Variants in ALK observed in about 807,000 individuals in gnomAD.
ALK encodes ALK receptor tyrosine kinase.
Under a neutral mutation model 163.1 loss-of-function variants are expected in ALK, and 74 were observed. The ratio of observed to expected loss-of-function variants is 0.45; its 90% CI spans 0.38 to 0.55. ALK has a LOEUF of 0.55. Among genes scored for constraint, ALK ranks in the 20% least tolerant of loss-of-function variants. ALK has a pLI of 0.00. For synonymous variants in ALK, 960 were observed against 843.2 expected (o/e 1.14, Z -2.40); for missense variants, 2,063 against 2,105.3 (o/e 0.98, Z 0.39).
At chr2:29,741,373 C>T (rs1680053461) in intron 1 of ALK, among the ~76,000 whole-genome samples, 1 of 152,152 alleles carries the variant, frequency 6.6e-6, no homozygotes, top group Non-Finnish European at 1.5e-5. Context: ...TTATACCAAA[C>T]CGGTGTGAAT....
intron 1 of ALK, among the ~76,000 whole-genome samples, chr2:29,860,226 T>A (rs1333511655): frequency 2.0e-5 from 3 of 152,096 alleles, no homozygotes; most frequent in South Asian, 4.1e-4. Flanking sequence ...GGTATGGGAT[T>A]ATTGGTTTGT....
chr2:29,389,057 T>C (rs1669098586), intron 4 of ALK, among the ~76,000 whole-genome samples: 1 of 152,222 alleles, frequency 6.6e-6, no homozygotes, highest in African/African-American at 2.4e-5. Flanking sequence ...GTCTAGTTCT[T>C]GGTTAGCATT....
At chr2:29,608,498 G>T (rs939037521) in intron 3 of ALK, among the ~76,000 whole-genome samples, 1 of 152,192 alleles carries the variant, frequency 6.6e-6, no homozygotes. Context: ...CACATGGCTT[G>T]TTAGTGGCAG....
intron 1 of ALK, among the ~76,000 whole-genome samples, chr2:29,756,205 A>T (rs943951171): frequency 2.6e-5 from 4 of 152,184 alleles, no homozygotes; most frequent in Non-Finnish European, 5.9e-5. Flanking sequence ...TCACTTGGCT[A>T]AATTGGTCTT....
At chr2:29,478,898 A>C (rs1671592281) in intron 4 of ALK, among the ~76,000 whole-genome samples, 1 of 152,188 alleles carries the variant, frequency 6.6e-6, no homozygotes. Context: ...TACTGTTAAG[A>C]CATGTCCCCA....
chr2:29,526,264 T>C (rs1397623608), intron 4 of ALK, among the ~76,000 whole-genome samples: 4 of 152,126 alleles, frequency 2.6e-5, no homozygotes, highest in African/African-American at 4.8e-5. Flanking sequence ...AGATGAGGCT[T>C]GTAGAGATTC....
chr2:29,846,446 G>A (rs1665845704), intron 1 of ALK, among the ~76,000 whole-genome samples: 1 of 152,170 alleles, frequency 6.6e-6, no homozygotes, highest in Non-Finnish European at 1.5e-5. Context: ...AAGAATATTA[G>A]CTCCATGAGA....
intron 4 of ALK, among the ~76,000 whole-genome samples, chr2:29,489,682 C>T (rs779427594): frequency 7.9e-5 from 12 of 152,180 alleles, no homozygotes; most frequent in Admixed American, 2.0e-4. Flanking sequence ...AGGCATGAAG[C>T]AGTGTTTTAC....
At chr2:29,216,974 GGTGT>G (rs796513525) in intron 23 of ALK, among the ~76,000 whole-genome samples, 4 of 144,940 alleles carry the variant, frequency 2.8e-5, no homozygotes, top group African/African-American at 5.1e-5. Context: ...GTGTGTGCGT[GGTGT>G]GTGTGTGGCA....
intron 4 of ALK, among the ~76,000 whole-genome samples, chr2:29,425,448 C>A (rs988369305): frequency 3.3e-5 from 5 of 152,180 alleles, no homozygotes; most frequent in African/African-American, 7.2e-5. Flanking sequence ...AGTTGGGGAT[C>A]CCTTACTCTA....
intron 1 of ALK, among the ~76,000 whole-genome samples, chr2:29,907,746 C>T (rs966611946): frequency 3.9e-5 from 6 of 152,126 alleles, no homozygotes; most frequent in African/African-American, 1.2e-4. Context: ...GCTCCCACAT[C>T]GATATCTTCA....
At chr2:29,867,465 T>C (rs1226780129) in intron 1 of ALK, among the ~76,000 whole-genome samples, 1 of 152,178 alleles carries the variant, frequency 6.6e-6, no homozygotes, top group Non-Finnish European at 1.5e-5. Flanking sequence ...CCCAAAAGGA[T>C]ATTCAGCCAT....
At chr2:29,601,932 GC>G (rs908644811) in intron 3 of ALK, among the ~76,000 whole-genome samples, 1 of 152,170 alleles carries the variant, frequency 6.6e-6, no homozygotes, top group African/African-American at 2.4e-5. Context: ...CCCCAGGCAT[GC>G]CTCTGAGGAC....
At chr2:29,827,997 C>A (rs1204507720) in intron 1 of ALK, among the ~76,000 whole-genome samples, 1 of 152,110 alleles carries the variant, frequency 6.6e-6, no homozygotes, top group Admixed American at 6.5e-5. Context: ...GAACAGAGCC[C>A]TCAGAAATAA....
At position 29,315,904 on chromosome 2, in the gene ALK, G is replaced by A. The variant is rs962028542; in HGVS notation, c.1647+2400C>T. 3.9e-5 allele frequency among the ~76,000 whole-genome samples: 6 copies of A among 152,156 alleles called. No individual in the cohort carries two copies. The East Asian group carries it at 1.2e-3, about 29-fold the overall frequency. On this transcript the variant is annotated intron_variant, in intron 8 of 28. Coordinates refer to ENST00000389048, the MANE Select transcript of ALK (RefSeq NM_004304.5). ...CAGGGCTCAGCTGGACCAGTCGCCA[G>A]TCCCTGTAGGCCTGATGCTCATCAG...
At chr2:29,228,463 C>T (rs1208718889) in intron 16 of ALK, among the ~76,000 whole-genome samples, 4 of 152,132 alleles carry the variant, frequency 2.6e-5, no homozygotes, top group East Asian at 1.9e-4. Flanking sequence ...GGCACAGCGG[C>T]GCCTTTCAGG....
intron 1 of ALK, among the ~76,000 whole-genome samples, chr2:29,898,584 A>G (rs552317451): frequency 4.7e-4 from 72 of 152,336 alleles, no homozygotes; most frequent in African/African-American, 1.6e-3. Flanking sequence ...TTCAAGTTCA[A>G]TTAACATCAA....
In ALK at chr2:29,920,129, C is replaced by A. The variant is rs2148443045; in HGVS notation, c.531G>T (p.Trp177Cys). Residue 177 changes from tryptophan to cysteine, a missense_variant, in exon 1 of 29, where the codon TGG becomes TGT. Coordinates refer to ENST00000389048, the MANE Select transcript of ALK (RefSeq NM_004304.5). ...TCAGTCGCCCTTCGCCTTGGCGAAT[C>A]CACCAACTGAACAGCTCGCTGAGAT... ...QFNLSELFSWWIRQGEGRLRI... is the reference protein window; with the variant it reads ...QFNLSELFSWCIRQGEGRLRI... The A allele has an allele frequency of 6.2e-7, 1 of 1,614,060 alleles. No homozygotes were observed. The highest frequency in any genetic ancestry group is 8.5e-7 in the Non-Finnish European group (1 of 1,180,050).
rs1253378000 is a variant in ALK, at chr2:29,297,025, C to T, written c.1680G>A (p.Leu560=). ...CTAGCACCAAGGACACGTTTCCCCT[C>T]AAGACTCCACGAATGAGCCAGGACA... ...LRMSWLIRGV[L]RGNVSLVLVE... Residue 560 remains leucine (L), a synonymous_variant, in exon 9 of 29, where the codon TTG becomes TTA. Transcript: ENST00000389048. The T allele has an allele frequency of 1.9e-6, 3 of 1,614,100 alleles. No individual in the cohort carries two copies. The highest frequency in any genetic ancestry group is 2.5e-6 in the Non-Finnish European group (3 of 1,180,050).
Sources: gnomAD v4.1 joint callset for allele counts (sites outside exome capture counted in the v4.1 genomes callset) on GRCh38, gnomAD v4.1.1 for gene constraint, MANE v1.5 for transcripts, NCBI Gene and HGNC (gene_info 2026-07-23, HGNC 2026-07-21) for gene names.